The following MAP3K20 variants were observed in gnomAD, a reference collection of about 807,000 sequenced individuals.
The protein encoded by MAP3K20 is mitogen-activated protein kinase kinase kinase 20, also known as HCCS-4.
In MAP3K20, 40 loss-of-function variants were observed where a neutral mutation model predicts 85.7. That is an observed-to-expected ratio of 0.47 (90% CI 0.36 to 0.61). The LOEUF is 0.61. Among genes scored for constraint, MAP3K20 ranks in the 20% least tolerant of loss-of-function variants. The probability of loss-of-function intolerance (pLI) is 0.00; values close to 1 mark genes in which losing one functional copy is unlikely to be tolerated. For synonymous variants in MAP3K20, 325 were observed against 327.7 expected, an observed-to-expected ratio of 0.99 and a Z score of 0.09; for missense variants, 817 against 961.7, an observed-to-expected ratio of 0.85 and a Z score of 1.99.
At chr2:173,228,773 A>G (rs1684450652) in intron 11 of MAP3K20, among the ~76,000 whole-genome samples, 1 of 151,628 alleles carries the variant, frequency 6.6e-6, no homozygotes, top group South Asian at 2.1e-4. Context: ...TAACTCACCT[A>G]CCCTATGATT....
chr2:173,148,669 C>T (rs1689207039), intron 2 of MAP3K20, among the ~76,000 whole-genome samples: 1 of 152,216 alleles, frequency 6.6e-6, no homozygotes, highest in African/African-American at 2.4e-5. Flanking sequence ...GTCGCTCCAA[C>T]CTCCTGACGA....
chr2:173,163,009 G>A (rs1439392242), intron 2 of MAP3K20, among the ~76,000 whole-genome samples: 2 of 152,160 alleles, frequency 1.3e-5, no homozygotes, highest in Non-Finnish European at 2.9e-5. Flanking sequence ...CCATCAACAG[G>A]TTGTTGTTGG....
chr2:173,266,495 G>A lies in MAP3K20; in HGVS notation c.2148G>A (p.Arg716=). ...GAAGATACCCTGGAAAGTTCTACAGGGTTTCTCAGTCAGCACTCAATCCTC... is the reference window on the plus strand; with the variant it reads ...GAAGATACCCTGGAAAGTTCTACAGAGTTTCTCAGTCAGCACTCAATCCTC... ...SRGRYPGKFY[R]VSQSALNPHQ... is the part of the protein sequence containing the mutation. The change falls in exon 20 of 20, where the codon AGG becomes AGA. Residue 716 remains arginine, a synonymous_variant. Coordinates refer to ENST00000375213, the MANE Select transcript of MAP3K20 (RefSeq NM_016653.3). 1 of 1,614,036 alleles carries A rather than the reference G, an allele frequency of 6.2e-7. No individual in the cohort carries two copies. Among genetic ancestry groups the A allele is most frequent in the East Asian group, 2.2e-5 (1 of 44,878 alleles).
intron 2 of MAP3K20, among the ~76,000 whole-genome samples, chr2:173,109,769 A>G (rs140482554): frequency 6.6e-6 from 1 of 152,278 alleles, no homozygotes; most frequent in Admixed American, 6.5e-5. Context: ...CTACAAACAA[A>G]AAGTCTTCCT....
intron 14 of MAP3K20, among the ~76,000 whole-genome samples, chr2:173,238,026 C>T (rs2106336439): frequency 6.6e-6 from 1 of 152,212 alleles, no homozygotes; most frequent in South Asian, 2.1e-4. Context: ...GTGGTGTGTG[C>T]CTGAGTCCCA....
At chr2:173,170,175 A>T (rs1689958195) in intron 3 of MAP3K20, among the ~76,000 whole-genome samples, 1 of 152,220 alleles carries the variant, frequency 6.6e-6, no homozygotes, top group African/African-American at 2.4e-5. Context: ...TTTAACTAAA[A>T]TTTCATTTAA....
intron 16 of MAP3K20, among the ~76,000 whole-genome samples, chr2:173,241,273 C>A (rs1684773746): frequency 6.6e-6 from 1 of 151,902 alleles, no homozygotes; most frequent in South Asian, 2.1e-4. Context: ...TAATGGATGC[C>A]CTCAGTTATC....
rs1210455845 is a variant in MAP3K20 at position 173,205,244 on chromosome 2, G to GTATT, written c.744+1375_744+1378dup. ...TGTCCAGTTTTTTGTGGAAATAGAGGTATTAAAACTGATCTTTTAAACAGA... is the reference window on the plus strand; with the variant it reads ...TGTCCAGTTTTTTGTGGAAATAGAGGTATTTATTAAAACTGATCTTTTAAACAGA... On this transcript the variant is annotated intron_variant, in intron 9 of 19. Transcript: ENST00000375213. Among the ~76,000 whole-genome samples, 13 of 152,122 alleles carry GTATT rather than the reference G, an allele frequency of 8.5e-5. No individual in the cohort carries two copies. In the East Asian group the frequency reaches 2.5e-3, roughly 29 times the overall value.
chr2:173,148,166 C>T (rs1484177349), intron 2 of MAP3K20, among the ~76,000 whole-genome samples: 1 of 152,148 alleles, frequency 6.6e-6, no homozygotes, highest in Non-Finnish European at 1.5e-5. Context: ...CTCTCTGCCC[C>T]TTTATCCTCC....
At chr2:173,213,631 GAACAGAACCCAGTACAGAATACAGT>G (rs1294027572) in intron 10 of MAP3K20, among the ~76,000 whole-genome samples, 5 of 152,114 alleles carry the variant, frequency 3.3e-5, no homozygotes, top group Admixed American at 2.0e-4. Flanking sequence ...ACAGAACTGA[GAACAGAACCCAGTACAGAATACAGT>G]AACAGAACCC....
chr2:173,174,419 C>T (rs1306380533), intron 3 of MAP3K20, among the ~76,000 whole-genome samples: 1 of 152,166 alleles, frequency 6.6e-6, no homozygotes, highest in Non-Finnish European at 1.5e-5. Flanking sequence ...CATGTGTTCT[C>T]ATTGTTCAAC....
intron 2 of MAP3K20, among the ~76,000 whole-genome samples, chr2:173,132,745 C>T (rs192507010): frequency 1.4e-3 from 218 of 152,230 alleles, no homozygotes; most frequent in African/African-American, 5.1e-3. Context: ...CTCAGCTGTA[C>T]CACTTGTTAG....
chr2:173,168,319 C>T (rs929624130), intron 2 of MAP3K20, among the ~76,000 whole-genome samples: 2 of 152,028 alleles, frequency 1.3e-5, no homozygotes, highest in Non-Finnish European at 2.9e-5. Flanking sequence ...CAGCGATAGC[C>T]CCCTTTGACA....
intron 14 of MAP3K20, among the ~76,000 whole-genome samples, chr2:173,236,972 C>T (rs1684666569): frequency 6.7e-6 from 1 of 149,528 alleles, no homozygotes; most frequent in African/African-American, 2.5e-5. Context: ...GTCTCTCAGT[C>T]CTTAAATGGT....
intron 2 of MAP3K20, among the ~76,000 whole-genome samples, chr2:173,161,159 C>G (rs1307158639): frequency 6.6e-6 from 1 of 152,176 alleles, no homozygotes; most frequent in African/African-American, 2.4e-5. Context: ...TGCAAAGCAG[C>G]AAAGGATTCT....
At chr2:173,219,583 G>A (rs76931786) in intron 11 of MAP3K20, among the ~76,000 whole-genome samples, 3 of 152,164 alleles carry the variant, frequency 2.0e-5, no homozygotes, top group Non-Finnish European at 4.4e-5. Context: ...AAGCTGAGAA[G>A]TTTGACTGCA....
intron 2 of MAP3K20, among the ~76,000 whole-genome samples, chr2:173,097,355 C>G (rs1010856204): frequency 6.6e-6 from 1 of 152,100 alleles, no homozygotes; most frequent in African/African-American, 2.4e-5. Flanking sequence ...GACTCTGTCT[C>G]AAAATCAATA....
chr2:173,112,175 A>C (rs1574024204), intron 2 of MAP3K20, among the ~76,000 whole-genome samples: 1 of 152,184 alleles, frequency 6.6e-6, no homozygotes, highest in East Asian at 1.9e-4. Context: ...CAGCTATTGT[A>C]AAAGGGGTTG....
chr2:173,266,571 A>T lies in MAP3K20; in HGVS notation c.2224A>T (p.Thr742Ser). The T allele has an allele frequency of 1.2e-6, 2 of 1,613,672 alleles. No individual in the cohort carries two copies. Among genetic ancestry groups the T allele is most frequent in the Non-Finnish European group, 1.7e-6 (2 of 1,179,908 alleles). The part of the protein sequence containing the change: ...RSPRDLHQPN[T>S]IPGMPLHPET... ...CCCCAGGGACCTCCACCAACCCAACACCATACCAGGGATGCCTTTGCACCC... is the reference window on the plus strand; with the variant it reads ...CCCCAGGGACCTCCACCAACCCAACTCCATACCAGGGATGCCTTTGCACCC... The change falls in exon 20 of 20, where the codon ACC becomes TCC. Residue 742 changes from threonine to serine, a missense_variant. By Grantham distance (58) the Thr-to-Ser change is moderately conservative. Around this residue, in one of 4 missense-constraint regions of MAP3K20, gnomAD observed 454 missense variants for 476.9 expected, o/e 0.95. Coordinates refer to ENST00000375213, the MANE Select transcript of MAP3K20 (RefSeq NM_016653.3).
Sources: allele counts gnomAD v4.1 joint callset (sites outside exome capture counted in the v4.1 genomes callset), GRCh38; gene constraint gnomAD v4.1.1; regional missense constraint gnomAD v4.1.1; transcripts MANE v1.5; gene names NCBI Gene and HGNC (gene_info 2026-07-23, HGNC 2026-07-21).